The following DNASE1 variants were observed in gnomAD, a reference collection of about 807,000 sequenced individuals.
DNASE1 encodes deoxyribonuclease 1.
DNASE1 carries 40 observed loss-of-function variants against 33.9 expected under a neutral mutation model. That is an observed-to-expected ratio of 1.18 (90% CI 0.92 to 1.54). DNASE1 has a LOEUF of 1.54. DNASE1 is among the 40% of genes most tolerant of loss of function. The probability of loss-of-function intolerance (pLI) is 0.00; values close to 1 mark genes in which losing one functional copy is unlikely to be tolerated. For missense variants in DNASE1, 518 were observed against 372.6 expected (o/e 1.39, Z -3.21); for synonymous variants, 216 against 160.0 (o/e 1.35, Z -2.64).
chr16:3,630,780 T>C (rs1482288265), intron 1 of DNASE1, among the ~76,000 whole-genome samples: 1 of 152,034 alleles, frequency 6.6e-6, no homozygotes, highest in Non-Finnish European at 1.5e-5. Flanking sequence ...GGCAGGAGGA[T>C]TGCTTAAGCC....
upstream of DNASE1, chr16:3,654,232 C>T (rs969440069): frequency 1.0e-5 from 4 of 397,568 alleles, no homozygotes; most frequent in East Asian, 1.1e-4. Flanking sequence ...AAACACACAG[C>T]CTATTGTCTA....
chr16:3,625,028 C>A (rs139860316), intron 1 of DNASE1, among the ~76,000 whole-genome samples: 1 of 151,966 alleles, frequency 6.6e-6, no homozygotes, highest in Admixed American at 6.6e-5. Context: ...TAATGGGGGC[C>A]GGGGGCAGTG....
At chr16:3,640,444 G>C (rs956000822), upstream of DNASE1, among the ~76,000 whole-genome samples, 1 of 152,278 alleles carries the variant, frequency 6.6e-6, no homozygotes, top group South Asian at 2.1e-4. Context: ...CCTGGAACCC[G>C]CCTCCTGGCT....
intron 1 of DNASE1, among the ~76,000 whole-genome samples, chr16:3,634,470 T>G (rs1450603469): frequency 6.7e-6 from 1 of 149,878 alleles, no homozygotes; most frequent in East Asian, 2.0e-4. Flanking sequence ...CCTCGTGATC[T>G]GCCCACCTCG....
At chr16:3,661,918 A>G (rs2043099046), downstream of DNASE1, 1 of 1,503,074 alleles carries the variant, frequency 6.7e-7, no homozygotes, top group Non-Finnish European at 8.9e-7. Flanking sequence ...ACATTCCACA[A>G]CAAAAGAACA....
At chr16:3,663,333 C>T (rs1021293188) in exon 10 of DNASE1, 4 of 1,550,404 alleles carry the variant, frequency 2.6e-6, no homozygotes, top group Non-Finnish European at 2.6e-6. Context: ...GGTCAACTGA[C>T]GAAAACCCAA....
At chr16:3,659,806 A>G (rs934865103), downstream of DNASE1, 1 of 151,976 alleles carries the variant, frequency 6.6e-6, no homozygotes, top group African/African-American at 2.4e-5. Flanking sequence ...CCCAAGCTAG[A>G]GTGAAATGGC....
Position 3,655,423 on chromosome 16 carries a change from T to A in DNASE1, c.50T>A (p.Leu17Gln). ...GCGCTGCTGGCACTGGCGGCCCTAC[T>A]GCAGGGGGCCGTGTCCCTGAAGATC... ...LGALLALAAL[L>Q]QGAVSLKIAA... is the part of the protein sequence containing the mutation. Residue 17 changes from leucine to glutamine, a missense_variant, in exon 2 of 9, where the codon CTG becomes CAG. Transcript: ENST00000246949. 6.2e-7 allele frequency: 1 copy of A among 1,614,060 alleles called. No individual in the cohort carries two copies. The highest frequency in any genetic ancestry group is 8.5e-7 in the Non-Finnish European group (1 of 1,180,010).
chr16:3,654,436 C>A (rs2081939627), upstream of DNASE1: 2 of 398,598 alleles, frequency 5.0e-6, no homozygotes, highest in Non-Finnish European at 4.4e-6. Flanking sequence ...ACAGAGCAGT[C>A]ATGGCTGTCA....
chr16:3,612,225 G>C (rs1243944699), intron 1 of DNASE1, among the ~76,000 whole-genome samples: 2 of 129,028 alleles, frequency 1.6e-5, no homozygotes, highest in Admixed American at 7.8e-5. Flanking sequence ...CTTCAACTTG[G>C]GGTCGTCGGG....
Position 3,654,703 on chromosome 16 carries a change from G to A in DNASE1, c.-343G>A. ...GTGATTATCAGGTGCAGTTTTTACAGCAGCAAGAAACCTGTGCTTACAGAA... is the reference window on the plus strand; with the variant it reads ...GTGATTATCAGGTGCAGTTTTTACAACAGCAAGAAACCTGTGCTTACAGAA... On this transcript the variant is annotated 5_prime_UTR_variant, in exon 1 of 9. Transcript: ENST00000246949. 1 of 399,494 alleles carries A rather than the reference G, an allele frequency of 2.5e-6. No individual in the cohort carries two copies. 24.7% of individuals were successfully genotyped at this position (399,494 alleles called of 1,614,324 possible).
At chr16:3,663,235 A>G (rs541316452) in exon 10 of DNASE1, 1 of 755,096 alleles carries the variant, frequency 1.3e-6, no homozygotes, top group Non-Finnish European at 2.1e-6. Context: ...GGAGCACTGG[A>G]CAGACCCCTG....
intron 1 of DNASE1, among the ~76,000 whole-genome samples, chr16:3,612,229 C>G (rs1396702664): frequency 6.6e-6 from 1 of 152,008 alleles, no homozygotes; most frequent in East Asian, 1.9e-4. Flanking sequence ...AACTTGGGGT[C>G]GTCGGGAGCC....
intron 1 of DNASE1, among the ~76,000 whole-genome samples, chr16:3,633,574 C>T (rs1450388345): frequency 1.3e-5 from 2 of 150,804 alleles, no homozygotes; most frequent in African/African-American, 4.9e-5. Context: ...CGCCATTGCA[C>T]TCTAGCCTGG....
At chr16:3,626,927 G>A (rs900220538) in intron 1 of DNASE1, among the ~76,000 whole-genome samples, 2 of 151,680 alleles carry the variant, frequency 1.3e-5, no homozygotes, top group East Asian at 3.9e-4. Context: ...GCTGGAGCAC[G>A]GTGATGTGAT....
At chr16:3,633,662 C>A (rs970377088) in intron 1 of DNASE1, among the ~76,000 whole-genome samples, 1 of 151,410 alleles carries the variant, frequency 6.6e-6, no homozygotes, top group Non-Finnish European at 1.5e-5. Flanking sequence ...TTTACAGTTA[C>A]AACTAATCCA....
chr16:3,623,350 A>T (rs2041390283), intron 1 of DNASE1, among the ~76,000 whole-genome samples: 1 of 152,204 alleles, frequency 6.6e-6, no homozygotes, highest in Non-Finnish European at 1.5e-5. Flanking sequence ...TCAAAGACTT[A>T]AACATAAGAC....
chr16:3,644,751 A>G (rs1037592085), intron 1 of DNASE1, among the ~76,000 whole-genome samples: 2 of 151,696 alleles, frequency 1.3e-5, no homozygotes, highest in African/African-American at 4.8e-5. Context: ...AAAAAAAGAA[A>G]TAAAAAATCC....
chr16:3,620,085 T>A (rs1008933104), intron 1 of DNASE1, among the ~76,000 whole-genome samples: 1 of 151,990 alleles, frequency 6.6e-6, no homozygotes, highest in South Asian at 2.1e-4. Flanking sequence ...CTGGCCAATT[T>A]TTGTATTTTT....
Sources: allele counts gnomAD v4.1 joint callset (sites outside exome capture counted in the v4.1 genomes callset), GRCh38; gene constraint gnomAD v4.1.1; transcripts MANE v1.5; gene names NCBI Gene and HGNC (gene_info 2026-07-23, HGNC 2026-07-21).